The following TNRC6C variants were observed in gnomAD, a reference collection of about 807,000 sequenced individuals.
TNRC6C encodes the protein trinucleotide repeat-containing gene 6C protein.
In TNRC6C, 20 loss-of-function variants were observed where a neutral mutation model predicts 153.7. That is an observed-to-expected ratio of 0.13 (90% CI 0.09 to 0.19). The LOEUF is 0.19. Among genes scored for constraint, TNRC6C ranks in the 10% least tolerant of loss-of-function variants. The pLI, the probability that TNRC6C is intolerant of heterozygous loss-of-function variation, is 1.00. For missense variants in TNRC6C, 1,987 were observed against 2,172.0 expected (o/e 0.91, Z 1.69); for synonymous variants, 811 against 841.4 (o/e 0.96, Z 0.63).
At chr17:78,051,371 A>G (rs1265642339) in exon 3 of TNRC6C, 1 of 1,551,202 alleles carries the variant, frequency 6.4e-7, no homozygotes, top group Non-Finnish European at 8.7e-7. Context: ...ACCACGAGCA[A>G]CACCACACAC....
At chr17:78,094,144 G>T (rs1022009761) in intron 16 of TNRC6C, among the ~76,000 whole-genome samples, 1 of 151,862 alleles carries the variant, frequency 6.6e-6, no homozygotes, top group African/African-American at 2.4e-5. Flanking sequence ...ACCATACCAA[G>T]CTAATTTTTG....
intron 7 of TNRC6C, among the ~76,000 whole-genome samples, chr17:78,074,050 G>T (rs1320810804): frequency 1.3e-5 from 2 of 152,166 alleles, no homozygotes; most frequent in Admixed American, 6.5e-5. Flanking sequence ...AGGGCCAACA[G>T]TGCTTTAACT....
chr17:78,107,925 T>C (rs1351018060), exon 20 of TNRC6C: 1 of 152,232 alleles, frequency 6.6e-6, no homozygotes, highest in Non-Finnish European at 1.5e-5. Context: ...AAAATCACCT[T>C]CGCTAACTTT....
intron 4 of TNRC6C, among the ~76,000 whole-genome samples, chr17:78,065,965 T>C (rs2072868409): frequency 6.6e-6 from 1 of 152,166 alleles, no homozygotes; most frequent in Non-Finnish European, 1.5e-5. Context: ...GCATGGTAGC[T>C]CACGCCTGTA....
chr17:78,064,427 C>T (rs1178796964), intron 3 of TNRC6C, among the ~76,000 whole-genome samples: 6 of 152,128 alleles, frequency 3.9e-5, no homozygotes, highest in Admixed American at 2.6e-4. Context: ...TGCAGTGACA[C>T]GCCCCAGTAG....
intron 1 of TNRC6C, among the ~76,000 whole-genome samples, chr17:78,007,450 A>G (rs1207732274): frequency 6.6e-6 from 1 of 152,204 alleles, no homozygotes; most frequent in African/African-American, 2.4e-5. Context: ...ATTGGTTCCA[A>G]CTTTCTGACT....
chr17:78,085,464 T>G (rs1276367190), intron 11 of TNRC6C, among the ~76,000 whole-genome samples: 1 of 152,168 alleles, frequency 6.6e-6, no homozygotes, highest in Non-Finnish European at 1.5e-5. Flanking sequence ...AATAGTATAA[T>G]CTCCACCTTT....
At chr17:77,991,398 A>T (rs912954992) in intron 1 of TNRC6C, among the ~76,000 whole-genome samples, 1 of 152,198 alleles carries the variant, frequency 6.6e-6, no homozygotes, top group Non-Finnish European at 1.5e-5. Context: ...CGTTCTCCCC[A>T]TATCTTCATT....
At chr17:77,983,568 G>C (rs2144114722) in intron 1 of TNRC6C, among the ~76,000 whole-genome samples, 1 of 152,280 alleles carries the variant, frequency 6.6e-6, no homozygotes, top group African/African-American at 2.4e-5. Flanking sequence ...CAGGAATGAA[G>C]GTTTAGGTCA....
chr17:78,075,354 A>C lies in TNRC6C; in HGVS notation c.3060+76A>C. On this transcript the variant is annotated intron_variant, in intron 8 of 19. Coordinates refer to ENST00000301624, the Ensembl canonical transcript of TNRC6C. The surrounding 1 kb of genome is among the most constrained non-coding windows in gnomAD (Gnocchi z 4.2). ...TTCATTTCAACTGTGTCCTTAATAC[A>C]AGCCAGATTAAAAACTTGCTGGACT... 2 of 1,485,306 alleles carry C rather than the reference A, an allele frequency of 1.3e-6. No individual in the cohort carries two copies. The highest frequency in any genetic ancestry group is 2.4e-5 in the Admixed American group (1 of 42,328). The allele number at this position is 1,485,306 out of a possible 1,614,324, so 92.0% of individuals were successfully genotyped here.
intron 2 of TNRC6C, among the ~76,000 whole-genome samples, chr17:78,039,260 G>C (rs1032909963): frequency 1.3e-5 from 2 of 151,146 alleles, no homozygotes; most frequent in African/African-American, 4.9e-5. Flanking sequence ...AGAACCAGTT[G>C]AACTTTTGCT....
At chr17:78,070,349 G>T (rs1429722114) in intron 5 of TNRC6C, among the ~76,000 whole-genome samples, 3 of 152,198 alleles carry the variant, frequency 2.0e-5, no homozygotes, top group Non-Finnish European at 1.5e-5. Flanking sequence ...TATAGCTGTG[G>T]CAGGCTCAAT....
intron 1 of TNRC6C, among the ~76,000 whole-genome samples, chr17:77,996,779 A>C (rs1009584507): frequency 1.4e-4 from 21 of 152,156 alleles, no homozygotes; most frequent in African/African-American, 4.3e-4. Flanking sequence ...CCTGAATCTG[A>C]GCACTGTGGC....
chr17:77,983,319 G>A (rs963920074), intron 1 of TNRC6C, among the ~76,000 whole-genome samples: 2 of 152,082 alleles, frequency 1.3e-5, no homozygotes, highest in Admixed American at 1.3e-4. Context: ...AACCCATTTG[G>A]GACTGTTGAT....
chr17:78,049,237 A>G lies in TNRC6C; in HGVS notation c.175A>G (p.Ser59Gly). The G allele has an allele frequency of 6.2e-7, 1 of 1,611,232 alleles. No individual in the cohort carries two copies. The highest frequency in any genetic ancestry group is 1.3e-5 in the African/African-American group (1 of 75,034). Residue 59 changes from serine to glycine, a missense_variant, in exon 3 of 20, where the codon AGC becomes GGC. This residue lies in a region of TNRC6C where 1,052 missense variants were observed against 1,017.0 expected (regional missense o/e 1.03). Transcript: ENST00000301624. The surrounding 1 kb of genome is among the most constrained non-coding windows in gnomAD (Gnocchi z 4.1). Reference sequence around the variant, plus strand: ...AGTGTGGGGTGTAGCCACAGGCTCCAGCTCTGGCCTGGCTCACTGCTCTGT... The same window carrying G: ...AGTGTGGGGTGTAGCCACAGGCTCCGGCTCTGGCCTGGCTCACTGCTCTGT...
chr17:77,957,748 AG>A (rs1241152449), upstream of TNRC6C, among the ~76,000 whole-genome samples: 16 of 152,372 alleles, frequency 1.1e-4, no homozygotes, highest in African/African-American at 3.6e-4. Context: ...AAAGTTAAAA[AG>A]GGACTTTTCG....
upstream of TNRC6C, among the ~76,000 whole-genome samples, chr17:78,003,330 G>A (rs186206584): frequency 1.5e-3 from 231 of 152,218 alleles, no homozygotes; most frequent in South Asian, 5.2e-3. Flanking sequence ...AGTATCTAAG[G>A]GAAGAGGCAT....
chr17:78,003,470 A>G (rs575607127), upstream of TNRC6C, among the ~76,000 whole-genome samples: 55 of 152,350 alleles, frequency 3.6e-4, no homozygotes, highest in South Asian at 0.011. Context: ...AAGAAGGTTA[A>G]CAATTTTAAA....
intron 3 of TNRC6C, among the ~76,000 whole-genome samples, chr17:78,058,934 T>G (rs77337660): frequency 0.015 from 2,310 of 152,332 alleles, 73 homozygotes; most frequent in African/African-American, 0.053. Context: ...CCAGAGGTTG[T>G]GTGCATTAAT....
Sources: gnomAD v4.1 joint callset for allele counts (sites outside exome capture counted in the v4.1 genomes callset) on GRCh38, gnomAD v4.1.1 for gene constraint, gnomAD v4.1.1 regional missense constraint, Gnocchi (gnomAD v3.1) non-coding constraint, MANE v1.5 for transcripts, NCBI Gene and HGNC (gene_info 2026-07-23, HGNC 2026-07-21) for gene names.